CADPS2: variants seen among roughly 807,000 people sequenced by gnomAD.
CADPS2 encodes calcium dependent secretion activator 2, also known as calcium-dependent secretion activator 2.
CADPS2 carries 93 observed loss-of-function variants against 172.5 expected under a neutral mutation model. The ratio of observed to expected loss-of-function variants is 0.54; its 90% CI spans 0.46 to 0.64. The LOEUF (loss-of-function observed/expected upper bound fraction) is 0.64, where lower values mean the gene tolerates loss of function less well. Ranked by LOEUF, CADPS2 falls within the 30% of genes least tolerant of loss-of-function variation. The probability of loss-of-function intolerance (pLI) is 0.00; values close to 1 mark genes in which losing one functional copy is unlikely to be tolerated. For missense variants in CADPS2, 1,420 were observed against 1,565.9 expected, an observed-to-expected ratio of 0.91 and a Z score of 1.57; for synonymous variants, 546 against 555.2, an observed-to-expected ratio of 0.98 and a Z score of 0.23.
chr7:122,719,019 T>C (rs1383966450), intron 2 of CADPS2, among the ~76,000 whole-genome samples: 1 of 151,816 alleles, frequency 6.6e-6, no homozygotes, highest in Non-Finnish European at 1.5e-5. Flanking sequence ...ATGTACACAA[T>C]TTTGAGGAAG....
chr7:122,702,488 G>A (rs745376356), intron 2 of CADPS2: 6 of 1,613,700 alleles, frequency 3.7e-6, no homozygotes, highest in Admixed American at 3.3e-5. Flanking sequence ...ATTGGTCAAA[G>A]GATGACAGGC....
chr7:122,847,786 A>G (rs1340713105), intron 1 of CADPS2, among the ~76,000 whole-genome samples: 1 of 152,224 alleles, frequency 6.6e-6, no homozygotes, highest in Admixed American at 6.5e-5. Context: ...TTAGATTTTA[A>G]TCTCCTTAAT....
chr7:122,602,395 C>T (rs757902708), intron 6 of CADPS2, among the ~76,000 whole-genome samples: 1 of 151,838 alleles, frequency 6.6e-6, no homozygotes, highest in African/African-American at 2.4e-5. Context: ...AGAAACACAC[C>T]ATGGAAGCTA....
chr7:122,605,197 T>C (rs1416465727), intron 6 of CADPS2, among the ~76,000 whole-genome samples: 2 of 152,120 alleles, frequency 1.3e-5, no homozygotes, highest in Non-Finnish European at 2.9e-5. Context: ...GAAGTTGCTC[T>C]AGGTGAGTCA....
chr7:122,581,324 G>T, intron 6 of CADPS2, 34 bp from the exon 7 acceptor site: 1 of 1,550,388 alleles, frequency 6.4e-7, no homozygotes, highest in Non-Finnish European at 8.9e-7. Flanking sequence ...TTCTTAAAAT[G>T]CAGCATTATT....
chr7:122,758,580 C>T (rs749940697), intron 1 of CADPS2, among the ~76,000 whole-genome samples: 18 of 152,124 alleles, frequency 1.2e-4, no homozygotes, highest in Non-Finnish European at 2.1e-4. Context: ...TAAACAGGCA[C>T]ATCATATCAA....
At chr7:122,816,243 C>G (rs956421376) in intron 1 of CADPS2, among the ~76,000 whole-genome samples, 5 of 134,582 alleles carry the variant, frequency 3.7e-5, no homozygotes, top group Admixed American at 1.6e-4. Flanking sequence ...TCCACGAGAT[C>G]AATTTATTTT....
At chr7:122,697,890 T>C in intron 2 of CADPS2, 1 of 1,613,792 alleles carries the variant, frequency 6.2e-7, no homozygotes, top group Non-Finnish European at 8.5e-7. Context: ...CTGAGGTTCC[T>C]GCAGGAGAAA....
At chr7:122,388,187 T>A (rs2043918549) in intron 23 of CADPS2, among the ~76,000 whole-genome samples, 1 of 152,084 alleles carries the variant, frequency 6.6e-6, no homozygotes, top group South Asian at 2.1e-4. Context: ...TGATCCTATT[T>A]TGAGTTTACT....
intron 2 of CADPS2, among the ~76,000 whole-genome samples, chr7:122,734,387 G>GA (rs768675808): frequency 1.1e-4 from 10 of 90,834 alleles, no homozygotes; most frequent in East Asian, 4.0e-4. Flanking sequence ...AAAAAAAAAA[G>GA]AAAAAAAAAA....
intron 8 of CADPS2, among the ~76,000 whole-genome samples, chr7:122,529,648 T>C (rs929800049): frequency 1.3e-5 from 2 of 152,108 alleles, no homozygotes; most frequent in African/African-American, 4.8e-5. Flanking sequence ...TTTTCCTCCC[T>C]GTCTTTTGGA....
chr7:122,611,433 AAATT>A (rs1394884079), intron 6 of CADPS2, among the ~76,000 whole-genome samples: 1 of 152,108 alleles, frequency 6.6e-6, no homozygotes, highest in Admixed American at 6.6e-5. Context: ...GTGTAACAAT[AAATT>A]AGAGAACTTG....
At chr7:122,857,233 A>G (rs2141219872) in intron 1 of CADPS2, among the ~76,000 whole-genome samples, 1 of 152,302 alleles carries the variant, frequency 6.6e-6, no homozygotes, top group East Asian at 1.9e-4. Flanking sequence ...ACTCATTATT[A>G]TGGCTGGTCA....
intron 1 of CADPS2, among the ~76,000 whole-genome samples, chr7:122,840,416 C>T (rs994972981): frequency 3.3e-5 from 5 of 151,718 alleles, no homozygotes; most frequent in African/African-American, 9.7e-5. Flanking sequence ...TACCCTAGAA[C>T]TTAAAGTATA....
At chr7:122,351,059 G>GA (rs144219835) in intron 27 of CADPS2, among the ~76,000 whole-genome samples, 3 of 151,508 alleles carry the variant, frequency 2.0e-5, no homozygotes, top group African/African-American at 7.3e-5. Flanking sequence ...AACCATGAAT[G>GA]AAAAAAAATC....
intron 14 of CADPS2, among the ~76,000 whole-genome samples, chr7:122,465,978 C>A (rs552261472): frequency 3.9e-5 from 6 of 152,246 alleles, no homozygotes; most frequent in African/African-American, 1.4e-4. Context: ...ATTGTTTCTA[C>A]ATACAACATT....
intron 1 of CADPS2, among the ~76,000 whole-genome samples, chr7:122,786,414 G>A (rs1794054084): frequency 6.6e-6 from 1 of 152,192 alleles, no homozygotes; most frequent in Non-Finnish European, 1.5e-5. Flanking sequence ...AAATACATAA[G>A]CAGTACATTT....
chr7:122,531,507 A>G (rs1165722877), intron 8 of CADPS2, among the ~76,000 whole-genome samples: 1 of 152,164 alleles, frequency 6.6e-6, no homozygotes, highest in Non-Finnish European at 1.5e-5. Context: ...AAAATTACCT[A>G]CTTATTAAAA....
At chr7:122,360,076 A>G (rs2039932727) in intron 27 of CADPS2, among the ~76,000 whole-genome samples, 1 of 152,190 alleles carries the variant, frequency 6.6e-6, no homozygotes, top group Non-Finnish European at 1.5e-5. Flanking sequence ...CTCTAATTCT[A>G]ATTCTTTGAA....
Sources: gnomAD v4.1 joint callset for allele counts (sites outside exome capture counted in the v4.1 genomes callset) on GRCh38, gnomAD v4.1.1 for gene constraint, MANE v1.5 for transcripts, NCBI Gene and HGNC (gene_info 2026-07-23, HGNC 2026-07-21) for gene names.